OTOP1: variants seen among roughly 807,000 people sequenced by gnomAD.
OTOP1 encodes proton channel OTOP1.
A neutral mutation model predicts 52.9 loss-of-function variants in OTOP1; 59 were observed. The ratio of observed to expected loss-of-function variants is 1.12; its 90% CI spans 0.91 to 1.39. The LOEUF (loss-of-function observed/expected upper bound fraction) is 1.39, where lower values mean the gene tolerates loss of function less well. Ranked by LOEUF, OTOP1 falls within the 40% of genes most tolerant of loss-of-function variation. OTOP1 has a pLI of 0.00. For missense variants in OTOP1, 761 were observed against 800.9 expected (o/e 0.95, Z 0.60); for synonymous variants, 317 against 337.7 (o/e 0.94, Z 0.67).
chr4:4,197,647 C>T lies in OTOP1; in HGVS notation c.1187G>A (p.Gly396Asp). The T allele has an allele frequency of 6.2e-7, 1 of 1,613,722 alleles. No homozygotes were observed. Among genetic ancestry groups the T allele is most frequent in the Non-Finnish European group, 8.5e-7 (1 of 1,179,976 alleles). Reference sequence around the variant, plus strand: ...GATAAGCCAGGAGCCCGAGGCAGTGCCCACCAAGAGGTCCGAGTCCAGTTT... The same window carrying T: ...GATAAGCCAGGAGCCCGAGGCAGTGTCCACCAAGAGGTCCGAGTCCAGTTT... Reference protein sequence around the residue: ...ARKLDSDLLVGTASGSWLISW... With the variant: ...ARKLDSDLLVDTASGSWLISW... The change falls in exon 5 of 6, where the codon GGC becomes GAC. Residue 396 changes from glycine (G) to aspartate (D), a missense_variant. This residue lies in a region of OTOP1 where 632 missense variants were observed against 619.5 expected (regional missense o/e 1.02). Coordinates refer to ENST00000296358, the MANE Select transcript of OTOP1 (RefSeq NM_177998.3).
chr4:4,215,544 C>T (rs769306564), intron 1 of OTOP1, among the ~76,000 whole-genome samples: 4 of 151,984 alleles, frequency 2.6e-5, no homozygotes, highest in Non-Finnish European at 4.4e-5. Flanking sequence ...GCCTGTAATC[C>T]TGCTACATGG....
chr4:4,226,426 G>T lies in OTOP1; in HGVS notation c.403+36C>A, dbSNP rs754195023. ...CCTCAGGATGCAGCCAGCGGGCGAG[G>T]AGGCGGAGACCCGCTCGCCCGGCGC... On this transcript the variant is annotated intron_variant, in intron 1 of 5. Coordinates refer to ENST00000296358, the MANE Select transcript of OTOP1 (RefSeq NM_177998.3). The T allele has an allele frequency of 2.2e-6, 3 of 1,392,394 alleles. No homozygotes were observed. The African/African-American group carries it at 4.5e-5, about 21-fold the overall frequency. The allele number at this position is 1,392,394 out of a possible 1,614,324, so 86.3% of individuals were successfully genotyped here.
At chr4:4,220,019 A>ATATATATGTATACATATATATATATACG (rs1560211477) in intron 1 of OTOP1, among the ~76,000 whole-genome samples, 1 of 118,200 alleles carries the variant, frequency 8.5e-6, no homozygotes, top group Non-Finnish European at 1.7e-5. Flanking sequence ...ATGTATATAC[A>ATATATATGTATACATATATATATATACG]TGTATATACG....
At chr4:4,195,328 C>T (rs1716598061) in intron 5 of OTOP1, among the ~76,000 whole-genome samples, 1 of 152,236 alleles carries the variant, frequency 6.6e-6, no homozygotes, top group African/African-American at 2.4e-5. Context: ...ACCTGGTGAA[C>T]TTCCAGTCAT....
In OTOP1 at chr4:4,220,775, C is replaced by G. The variant is rs368836935; in HGVS notation, c.403+5687G>C. 6.6e-5 allele frequency among the ~76,000 whole-genome samples: 10 copies of G among 152,276 alleles called. No individual in the cohort carries two copies. In the East Asian group the frequency reaches 1.2e-3, roughly 18 times the overall value. On this transcript the variant is annotated intron_variant, in intron 1 of 5. Coordinates refer to ENST00000296358, the MANE Select transcript of OTOP1 (RefSeq NM_177998.3). ...TCCAAAGACTACCTAGGGTACCCATCCAGTGATGGCAGAGGGAACCCCCTC... is the reference window on the plus strand; with the variant it reads ...TCCAAAGACTACCTAGGGTACCCATGCAGTGATGGCAGAGGGAACCCCCTC...
At position 4,188,805 on chromosome 4, in the gene OTOP1, A is replaced by G. The variant is rs1319693772; in HGVS notation, c.1837T>C (p.Ter613GlnextTer11). ...ASLFEVYCKI[*>Q] ...CCTAGGTCTCTTGTGGACCCAGACT[A>G]TATCTTACAATAGACCTCAAAGAGG... is the stretch of plus-strand genomic sequence containing the variant. The change falls in exon 6 of 6, where the codon TAG (stop) becomes CAG (glutamine). Residue 613 changes from the stop codon to glutamine, a stop_lost. Coordinates refer to ENST00000296358, the MANE Select transcript of OTOP1 (RefSeq NM_177998.3). 6 of 1,611,818 alleles carry G rather than the reference A, an allele frequency of 3.7e-6. No individual in the cohort carries two copies. The highest frequency in any genetic ancestry group is 5.1e-6 in the Non-Finnish European group (6 of 1,178,832).
At position 4,219,571 on chromosome 4, in the gene OTOP1, G is replaced by A. The variant is rs185804049; in HGVS notation, c.404-6567C>T. On this transcript the variant is annotated intron_variant, in intron 1 of 5. Transcript: ENST00000296358. The stretch of plus-strand genomic sequence containing the variant: ...AAAAAAATTAGCCGGGCGTGGTGGC[G>A]GGTGCCTCCATGCTACTCGGTAGGC... Among the ~76,000 whole-genome samples, 11 of 151,892 alleles carry A rather than the reference G, an allele frequency of 7.2e-5. 1 individual carries two copies. Among genetic ancestry groups the A allele is most frequent in the African/African-American group, 1.7e-4 (7 of 41,444 alleles).
In OTOP1 at chr4:4,197,883, C is replaced by T; in HGVS notation, c.951G>A (p.Leu317=). The part of the protein sequence containing the change: ...KSDGVMVGAV[L]GLTVLAATIA... ...TGGTGGCGGCCAGCACGGTCAGGCC[C>T]AGGACTGCGCCCACCATGACCCCAT... Residue 317 remains leucine (L), a synonymous_variant, in exon 5 of 6, where the codon CTG becomes CTA. Coordinates refer to ENST00000296358, the MANE Select transcript of OTOP1 (RefSeq NM_177998.3). 1.2e-6 allele frequency: 2 copies of T among 1,614,052 alleles called. No homozygotes were observed. Among genetic ancestry groups the T allele is most frequent in the Non-Finnish European group, 1.7e-6 (2 of 1,180,020 alleles).
In OTOP1 at chr4:4,220,002, CATATATATGT is replaced by C. The variant is rs1351483539; in HGVS notation, c.403+6450_403+6459del. Reference sequence around the variant, plus strand: ...ATATATACGTATATAGGTGTATATACATATATATGTATATACATGTATATACGTATATATG... The same window carrying C: ...ATATATACGTATATAGGTGTATATACATATACATGTATATACGTATATATG... On this transcript the variant is annotated intron_variant, in intron 1 of 5. Coordinates refer to ENST00000296358, the MANE Select transcript of OTOP1 (RefSeq NM_177998.3). 1.4e-3 allele frequency among the ~76,000 whole-genome samples: 71 copies of C among 51,844 alleles called. 1 individual carries two copies. The highest frequency in any genetic ancestry group is 1.0e-3 in the Admixed American group (7 of 7,028). 34.0% of individuals were successfully genotyped at this position (51,844 alleles called of 152,430 possible). A position where few individuals can be genotyped will look rare whatever the true frequency, so the allele number is the denominator to read the frequency against.
chr4:4,209,246 T>C (rs1716973651), intron 2 of OTOP1, among the ~76,000 whole-genome samples: 1 of 152,178 alleles, frequency 6.6e-6, no homozygotes, highest in African/African-American at 2.4e-5. Context: ...CATCCTGATA[T>C]CTACAGGTTT....
At chr4:4,214,800 A>G (rs3097981) in intron 1 of OTOP1, among the ~76,000 whole-genome samples, 85,845 of 151,884 alleles carry the variant, frequency 0.57, 24,711 homozygotes, top group African/African-American at 0.63. Flanking sequence ...TAGAGGGAGG[A>G]AAGAATGAGG....
chr4:4,194,967 C>T (rs548405788), intron 5 of OTOP1, among the ~76,000 whole-genome samples: 2 of 152,328 alleles, frequency 1.3e-5, no homozygotes, highest in South Asian at 2.1e-4. Context: ...CCCCTTCCTG[C>T]CTGCTCTGTT....
At chr4:4,213,806 TG>T (rs1717077563) in intron 1 of OTOP1, among the ~76,000 whole-genome samples, 1 of 152,096 alleles carries the variant, frequency 6.6e-6, no homozygotes, top group Non-Finnish European at 1.5e-5. Context: ...TTAACAACAA[TG>T]GGTTGGGCAC....
chr4:4,199,219 A>AG lies in OTOP1; in HGVS notation c.731-1117_731-1116insC, dbSNP rs1175481130. Among the ~76,000 whole-genome samples the AG allele has an allele frequency of 5.6e-4, 21 of 37,604 alleles. 1 individual carries two copies. Among genetic ancestry groups the AG allele is most frequent in the African/African-American group, 1.4e-3 (10 of 7,008 alleles). The allele number at this position is 37,604 out of a possible 152,430, so 24.7% of individuals were successfully genotyped here. ...ATAATTTAAAAAAAACTCAGGTAAAATTGTGTGTGTGTGTGAGAGAGAGAG... is the reference window on the plus strand; with the variant it reads ...ATAATTTAAAAAAAACTCAGGTAAAAGTTGTGTGTGTGTGTGAGAGAGAGAG... On this transcript the variant is annotated intron_variant, in intron 4 of 5. Coordinates refer to ENST00000296358, the MANE Select transcript of OTOP1 (RefSeq NM_177998.3).
At chr4:4,199,481 T>C (rs577404143) in intron 4 of OTOP1, among the ~76,000 whole-genome samples, 1 of 152,122 alleles carries the variant, frequency 6.6e-6, no homozygotes, top group Non-Finnish European at 1.5e-5. Context: ...TGGCAAAATC[T>C]TGGCTCACTG....
At chr4:4,211,956 G>A (rs190116651) in intron 2 of OTOP1, among the ~76,000 whole-genome samples, 17 of 152,272 alleles carry the variant, frequency 1.1e-4, no homozygotes, top group African/African-American at 4.1e-4. Flanking sequence ...AATCTGCTAA[G>A]AGAATGGATT....
chr4:4,219,898 T>C (rs1298853219), intron 1 of OTOP1, among the ~76,000 whole-genome samples: 1 of 145,986 alleles, frequency 6.8e-6, no homozygotes. Flanking sequence ...CATATATGTA[T>C]ACACATATAT....
At chr4:4,209,098 C>T (rs1257431321) in intron 2 of OTOP1, among the ~76,000 whole-genome samples, 2 of 152,110 alleles carry the variant, frequency 1.3e-5, no homozygotes. Context: ...TAATGTCTAG[C>T]CTCATCAAAG....
At chr4:4,196,245 C>A (rs1386720904) in intron 5 of OTOP1, among the ~76,000 whole-genome samples, 1 of 151,734 alleles carries the variant, frequency 6.6e-6, no homozygotes. Context: ...ACAGTGAGAA[C>A]CTATCTCTAC....
Sources: allele counts gnomAD v4.1 joint callset (sites outside exome capture counted in the v4.1 genomes callset), GRCh38; gene constraint gnomAD v4.1.1; regional missense constraint gnomAD v4.1.1; transcripts MANE v1.5; gene names NCBI Gene and HGNC (gene_info 2026-07-23, HGNC 2026-07-21).